Variants in GRIK2 observed in about 807,000 individuals in gnomAD.
GRIK2 encodes glutamate receptor ionotropic, kainate 2.
Under a neutral mutation model 100.3 loss-of-function variants are expected in GRIK2, and 32 were observed. The ratio of observed to expected loss-of-function variants is 0.32; its 90% confidence interval spans 0.24 to 0.43. The LOEUF is 0.43. GRIK2 is among the 20% of genes least tolerant of loss of function. GRIK2 has a pLI of 1.00. For synonymous variants in GRIK2, 417 were observed against 389.4 expected (o/e 1.07, Z -0.83); for missense variants, 843 against 1,114.9 (o/e 0.76, Z 3.47).
chr6:101,820,467 G>A (rs1036202829), intron 10 of GRIK2, among the ~76,000 whole-genome samples: 9 of 151,804 alleles, frequency 5.9e-5, no homozygotes, highest in East Asian at 1.9e-4. Context: ...CTTCTTCTTC[G>A]ATGGAGTCTT....
At chr6:101,863,020 TTTATC>T (rs1373038370) in intron 11 of GRIK2, among the ~76,000 whole-genome samples, 1 of 152,164 alleles carries the variant, frequency 6.6e-6, no homozygotes, top group Non-Finnish European at 1.5e-5. Context: ...AGGATGCTAT[TTTATC>T]ATATCAGTTT....
At chr6:101,776,467 A>G (rs79728200) in intron 7 of GRIK2, among the ~76,000 whole-genome samples, 156 of 152,282 alleles carry the variant, frequency 1.0e-3, no homozygotes, top group African/African-American at 3.7e-3. Flanking sequence ...AAATCAGAGT[A>G]AAATGTGGAT....
At chr6:101,646,228 A>G (rs900360351) in intron 4 of GRIK2, among the ~76,000 whole-genome samples, 1 of 151,912 alleles carries the variant, frequency 6.6e-6, no homozygotes, top group Non-Finnish European at 1.5e-5. Flanking sequence ...ATAGATAAAT[A>G]CTATACAGTT....
chr6:101,426,292 T>C (rs1323836947), intron 2 of GRIK2, among the ~76,000 whole-genome samples: 1 of 152,182 alleles, frequency 6.6e-6, no homozygotes, highest in African/African-American at 2.4e-5. Context: ...TTGTGTAAGA[T>C]GAGTAATACT....
intron 2 of GRIK2, among the ~76,000 whole-genome samples, chr6:101,421,936 T>C (rs1776434113): frequency 6.6e-6 from 1 of 152,196 alleles, no homozygotes; most frequent in Admixed American, 6.5e-5. Flanking sequence ...AATTTGAAGG[T>C]ATTTAGGGAG....
chr6:101,473,654 C>G (rs1459094035), intron 2 of GRIK2, among the ~76,000 whole-genome samples: 2 of 151,660 alleles, frequency 1.3e-5, no homozygotes, highest in Non-Finnish European at 1.5e-5. Flanking sequence ...GTTCCAGGAC[C>G]AAATAATAAC....
At chr6:101,748,555 T>C (rs970018919) in intron 7 of GRIK2, among the ~76,000 whole-genome samples, 1 of 151,950 alleles carries the variant, frequency 6.6e-6, no homozygotes, top group African/African-American at 2.4e-5. Flanking sequence ...AATTCATTAT[T>C]TACATTATAA....
At chr6:101,562,797 A>G (rs891379985) in intron 2 of GRIK2, among the ~76,000 whole-genome samples, 7 of 152,114 alleles carry the variant, frequency 4.6e-5, no homozygotes, top group Non-Finnish European at 1.0e-4. Context: ...GATATTTCCC[A>G]TCTCTTTTTC....
chr6:101,490,090 TG>T lies in GRIK2; in HGVS notation c.115+90700del, dbSNP rs538359778. 6.3e-3 allele frequency among the ~76,000 whole-genome samples: 920 copies of T among 146,124 alleles called. 87 individuals are homozygous for T. Among genetic ancestry groups the T allele is most frequent in the Non-Finnish European group, 0.011 (701 of 66,302 alleles). On this transcript the variant is annotated intron_variant, in intron 2 of 16. Coordinates refer to ENST00000369134, the MANE Select transcript of GRIK2 (RefSeq NM_021956.5). ...ATAAAAAGACACAGAGGATACAGCATGGTCTTTATTTACAACAATTTTTTAC... is the reference window on the plus strand; with the variant it reads ...ATAAAAAGACACAGAGGATACAGCATGTCTTTATTTACAACAATTTTTTAC...
intron 4 of GRIK2, among the ~76,000 whole-genome samples, chr6:101,626,885 T>C (rs2128318806): frequency 6.6e-6 from 1 of 152,066 alleles, no homozygotes. Flanking sequence ...GATCAGCTAG[T>C]TTGGTAGGTT....
intron 14 of GRIK2, among the ~76,000 whole-genome samples, chr6:101,963,837 A>C (rs1227947210): frequency 1.3e-5 from 2 of 152,000 alleles, no homozygotes; most frequent in African/African-American, 4.8e-5. Flanking sequence ...TTACCAATAA[A>C]ATTTCCATTA....
intron 2 of GRIK2, among the ~76,000 whole-genome samples, chr6:101,575,925 C>T (rs1031870828): frequency 6.6e-6 from 1 of 151,902 alleles, no homozygotes; most frequent in Non-Finnish European, 1.5e-5. Flanking sequence ...CTCATCACCC[C>T]ATGTTCTTTC....
At chr6:101,745,517 T>C (rs1035662569) in intron 7 of GRIK2, among the ~76,000 whole-genome samples, 1 of 152,152 alleles carries the variant, frequency 6.6e-6, no homozygotes, top group Non-Finnish European at 1.5e-5. Flanking sequence ...GATTGAGAAA[T>C]ATTTTATATA....
intron 10 of GRIK2, among the ~76,000 whole-genome samples, chr6:101,851,822 CTA>C (rs1784146858): frequency 1.3e-5 from 2 of 150,574 alleles, no homozygotes. Flanking sequence ...ATGTAATGAA[CTA>C]TTTACAATTT....
intron 2 of GRIK2, among the ~76,000 whole-genome samples, chr6:101,590,758 C>G (rs188829489): frequency 6.6e-6 from 1 of 151,966 alleles, no homozygotes; most frequent in African/African-American, 2.4e-5. Context: ...CTCACTTAAC[C>G]CTAAGGTACA....
At chr6:101,455,268 T>C (rs922954180) in intron 2 of GRIK2, among the ~76,000 whole-genome samples, 2 of 152,118 alleles carry the variant, frequency 1.3e-5, no homozygotes, top group Non-Finnish European at 2.9e-5. Context: ...TTTTGAAATG[T>C]TGGTTCTATT....
chr6:102,006,720 C>T lies in GRIK2; in HGVS notation c.2086-28621C>T, dbSNP rs113165098. On this transcript the variant is annotated intron_variant, in intron 14 of 16. Transcript: ENST00000369134. ...TCCTTATTAAGCCCCTTGACCCCTA[C>T]AAGCCCTGTCATTTTTTTTCATGGC... 2.1e-3 allele frequency among the ~76,000 whole-genome samples: 319 copies of T among 150,698 alleles called. 2 individuals carry two copies. Among genetic ancestry groups the T allele is most frequent in the African/African-American group, 7.8e-3 (312 of 40,256 alleles).
intron 10 of GRIK2, among the ~76,000 whole-genome samples, chr6:101,851,268 G>A (rs893134650): frequency 2.0e-5 from 3 of 151,912 alleles, no homozygotes; most frequent in African/African-American, 7.2e-5. Context: ...CAAATTAACA[G>A]GTAGGAGGCT....
intron 4 of GRIK2, among the ~76,000 whole-genome samples, chr6:101,636,848 C>T (rs954070408): frequency 6.6e-6 from 1 of 152,108 alleles, no homozygotes; most frequent in Non-Finnish European, 1.5e-5. Context: ...AGCATATTGG[C>T]ATGCACATTT....
Sources: allele counts gnomAD v4.1 joint callset (sites outside exome capture counted in the v4.1 genomes callset), GRCh38; gene constraint gnomAD v4.1.1; transcripts MANE v1.5; gene names NCBI Gene and HGNC (gene_info 2026-07-23, HGNC 2026-07-21).